Variants in IL1RAPL2 observed in about 807,000 individuals in gnomAD.
The protein encoded by IL1RAPL2 is interleukin 1 receptor accessory protein like 2.
IL1RAPL2 carries 3 observed loss-of-function variants against 44.1 expected under a neutral mutation model. That is an observed-to-expected ratio of 0.07 (90% confidence interval 0.03 to 0.18). The LOEUF (loss-of-function observed/expected upper bound fraction) is 0.18. Among genes scored for constraint, IL1RAPL2 ranks in the 10% least tolerant of loss-of-function variants. IL1RAPL2 has a pLI of 1.00. For synonymous variants in IL1RAPL2, 181 were observed against 178.8 expected (o/e 1.01, Z -0.10); for missense variants, 391 against 496.4 (o/e 0.79, Z 2.02).
intron 6 of IL1RAPL2, among the ~76,000 whole-genome samples, chrX:105,560,735 A>G (rs1294158429): frequency 1.8e-5 from 2 of 111,004 alleles, no homozygotes; most frequent in Non-Finnish European, 3.8e-5. Context: ...GTAGGCTTTT[A>G]TAAAATTTGT....
At chrX:104,859,311 C>T (rs1922439294) in intron 2 of IL1RAPL2, among the ~76,000 whole-genome samples, 1 of 111,349 alleles carries the variant, frequency 9.0e-6, no homozygotes, top group Non-Finnish European at 1.9e-5. Context: ...CATAAAACAA[C>T]CTGAAAATGA....
intron 6 of IL1RAPL2, among the ~76,000 whole-genome samples, chrX:105,708,625 G>T (rs951323234): frequency 4.5e-5 from 5 of 111,588 alleles, no homozygotes; most frequent in African/African-American, 1.6e-4. Flanking sequence ...TTTTTGGGAA[G>T]TAATGGTTAC....
At chrX:104,892,994 CT>C (rs1463998253) in intron 2 of IL1RAPL2, among the ~76,000 whole-genome samples, 1 of 111,842 alleles carries the variant, frequency 8.9e-6, no homozygotes, top group East Asian at 2.8e-4. Context: ...TATGTTGTGT[CT>C]TTTTTCTCAT....
chrX:105,351,970 C>G (rs1602371501), intron 5 of IL1RAPL2, among the ~76,000 whole-genome samples: 1 of 111,718 alleles, frequency 9.0e-6, no homozygotes. Flanking sequence ...TTTTCTGAGA[C>G]AGGGTCTGGC....
intron 2 of IL1RAPL2, among the ~76,000 whole-genome samples, chrX:105,040,842 T>G (rs1176019035): frequency 9.6e-6 from 1 of 104,539 alleles, no homozygotes; most frequent in African/African-American, 3.6e-5. Flanking sequence ...CCTGGATTCA[T>G]TAATTTTTTG....
intron 6 of IL1RAPL2, among the ~76,000 whole-genome samples, chrX:105,670,145 A>C (rs1311141725): frequency 3.0e-4 from 12 of 40,242 alleles, no homozygotes; most frequent in Non-Finnish European, 2.7e-4. Context: ...ATATATATAT[A>C]TATCTCCACC....
intron 2 of IL1RAPL2, among the ~76,000 whole-genome samples, chrX:104,914,549 ATGT>A (rs1289387972): frequency 8.9e-6 from 1 of 111,732 alleles, no homozygotes; most frequent in Admixed American, 9.5e-5. Context: ...CAAAACACAC[ATGT>A]TGTGATTGCT....
intron 2 of IL1RAPL2, among the ~76,000 whole-genome samples, chrX:104,780,548 T>C (rs1932765516): frequency 8.9e-6 from 1 of 112,239 alleles, no homozygotes; most frequent in African/African-American, 3.2e-5. Flanking sequence ...AGTGGTTGTG[T>C]ATTTTTGTTG....
At chrX:105,396,486 T>C (rs1205967147) in intron 5 of IL1RAPL2, among the ~76,000 whole-genome samples, 3 of 99,988 alleles carry the variant, frequency 3.0e-5, no homozygotes, top group African/African-American at 1.1e-4. Context: ...TCTGAATGGA[T>C]TAAATAACGT....
chrX:105,076,747 T>G (rs1429931489), intron 2 of IL1RAPL2, among the ~76,000 whole-genome samples: 1 of 111,772 alleles, frequency 8.9e-6, no homozygotes, highest in East Asian at 2.8e-4. Flanking sequence ...TGCATATATA[T>G]TTAGGATAGT....
intron 4 of IL1RAPL2, among the ~76,000 whole-genome samples, chrX:105,243,582 TATGTGTATATATATATATATATA>T (rs1205248650): frequency 4.5e-4 from 41 of 90,428 alleles, no homozygotes; most frequent in African/African-American, 2.4e-3. Flanking sequence ...TATATATATA[TATGTGTATATATATATATATATA>T]TTTTTTTTTT....
chrX:105,106,407 T>C (rs1029313922), intron 2 of IL1RAPL2, among the ~76,000 whole-genome samples: 1 of 110,829 alleles, frequency 9.0e-6, no homozygotes, highest in African/African-American at 3.3e-5. Context: ...TGGACCTCAG[T>C]TACCTCATCT....
chrX:105,212,010 C>G (rs782417118), intron 3 of IL1RAPL2, among the ~76,000 whole-genome samples: 61 of 112,302 alleles, frequency 5.4e-4, no homozygotes, highest in African/African-American at 1.9e-3. Flanking sequence ...CACCAGAGCC[C>G]TGGGTTTCAA....
chrX:104,961,336 C>T (rs2030002597), intron 2 of IL1RAPL2, among the ~76,000 whole-genome samples: 1 of 111,622 alleles, frequency 9.0e-6, no homozygotes, highest in South Asian at 3.8e-4. Context: ...TGAGCCCTTT[C>T]CTTATTTTTT....
chrX:105,689,213 T>C (rs1286843150), intron 6 of IL1RAPL2, among the ~76,000 whole-genome samples: 2 of 111,298 alleles, frequency 1.8e-5, no homozygotes, highest in African/African-American at 3.3e-5. Context: ...AAAGGCAAAA[T>C]TGACAAATGG....
chrX:104,658,580 G>A (rs1237331637), intron 1 of IL1RAPL2, among the ~76,000 whole-genome samples: 3 of 112,137 alleles, frequency 2.7e-5, no homozygotes, highest in East Asian at 2.8e-4. Flanking sequence ...AAACCTGCAC[G>A]TTGTGCACAT....
chrX:105,304,544 A>G lies in IL1RAPL2; in HGVS notation c.697+37003A>G, dbSNP rs191461807. Among the ~76,000 whole-genome samples the G allele has an allele frequency of 2.7e-5, 3 of 112,370 alleles. No homozygotes were observed. In the Admixed American group the frequency reaches 2.8e-4, roughly 11 times the overall value. On this transcript the variant is annotated intron_variant, in intron 5 of 10. Coordinates refer to ENST00000372582, the MANE Select transcript of IL1RAPL2 (RefSeq NM_017416.2). ...TATAGGAACAATGGGGATACAAATC[A>G]GTTCCTAAACAGTCTTATGACCCTA...
chrX:105,205,505 G>A (rs991839985), intron 3 of IL1RAPL2, among the ~76,000 whole-genome samples: 1 of 96,329 alleles, frequency 1.0e-5, no homozygotes, highest in Non-Finnish European at 2.0e-5. Context: ...CAAGAGAATC[G>A]CTGGAACCTG....
intron 2 of IL1RAPL2, among the ~76,000 whole-genome samples, chrX:104,805,022 A>C (rs1315549809): frequency 8.9e-6 from 1 of 112,160 alleles, no homozygotes; most frequent in Admixed American, 9.4e-5. Flanking sequence ...ATGCTAATAT[A>C]GTGCCTTTTT....
Sources: gnomAD v4.1 joint callset for allele counts (sites outside exome capture counted in the v4.1 genomes callset) on GRCh38, gnomAD v4.1.1 for gene constraint, MANE v1.5 for transcripts, NCBI Gene and HGNC (gene_info 2026-07-23, HGNC 2026-07-21) for gene names.